The following TGS1 variants were observed in gnomAD, a reference collection of about 807,000 sequenced individuals.
TGS1 encodes trimethylguanosine synthase.
TGS1 carries 69 observed loss-of-function variants against 92.2 expected under a neutral mutation model. The ratio of observed to expected loss-of-function variants is 0.75; its 90% CI spans 0.62 to 0.91. The LOEUF (loss-of-function observed/expected upper bound fraction) is 0.91, where lower values mean the gene tolerates loss of function less well. Among genes scored for constraint, TGS1 ranks in the 40% least tolerant of loss-of-function variants. The probability of loss-of-function intolerance (pLI) is 0.00; values close to 1 mark genes in which losing one functional copy is unlikely to be tolerated. For synonymous variants in TGS1, 345 were observed against 338.1 expected (o/e 1.02, Z -0.22); for missense variants, 1,062 against 1,001.2 (o/e 1.06, Z -0.82).
At chr8:55,802,634 T>A (rs1422937976) in intron 9 of TGS1, 28 bp downstream of exon 9, 1 of 1,573,896 alleles carries the variant, frequency 6.4e-7, no homozygotes, top group Admixed American at 2.0e-5. Context: ...TTTTTAGCTT[T>A]ATTTTGAAAC....
chr8:55,813,314 A>G (rs1448081674), intron 12 of TGS1, among the ~76,000 whole-genome samples, 196 bp downstream of exon 12: 1 of 152,236 alleles, frequency 6.6e-6, no homozygotes, highest in East Asian at 1.9e-4. Flanking sequence ...AGCTCCTGGC[A>G]TACATAGACA....
Position 55,806,213 on chromosome 8 carries a change from G to A in TGS1, c.2143+1177G>A, listed in dbSNP as rs550768236. Among the ~76,000 whole-genome samples the A allele has an allele frequency of 2.2e-4, 33 of 149,852 alleles. No homozygotes were observed. The South Asian group carries it at 3.8e-3, about 17-fold the overall frequency. Reference sequence around the variant, plus strand: ...TCTCCTAAAAATACAAAAATTAGCCGGGCATGGTAGCGTGTGCCTGTAGTC... The same window carrying A: ...TCTCCTAAAAATACAAAAATTAGCCAGGCATGGTAGCGTGTGCCTGTAGTC... On this transcript the variant is annotated intron_variant, in intron 10 of 12. Coordinates refer to ENST00000260129, the MANE Select transcript of TGS1 (RefSeq NM_024831.8).
At chr8:55,794,796 C>T (rs562067483) in intron 6 of TGS1, among the ~76,000 whole-genome samples, 4 of 152,256 alleles carry the variant, frequency 2.6e-5, no homozygotes, top group African/African-American at 4.8e-5. Context: ...AGACAGCTTA[C>T]ACCAGTAATC....
At chr8:55,779,528 G>A (rs1276228280) in intron 1 of TGS1, among the ~76,000 whole-genome samples, 2 of 152,160 alleles carry the variant, frequency 1.3e-5, no homozygotes, top group Admixed American at 6.6e-5. Context: ...AAAAATACCT[G>A]GCTCTTTGTA....
At chr8:55,778,513 T>A (rs145024392) in intron 1 of TGS1, among the ~76,000 whole-genome samples, 1 of 152,336 alleles carries the variant, frequency 6.6e-6, no homozygotes, top group East Asian at 1.9e-4. Flanking sequence ...GAGCCTATAT[T>A]TCCCTCTGAT....
chr8:55,806,458 A>G (rs1812376742), intron 10 of TGS1, among the ~76,000 whole-genome samples: 1 of 151,688 alleles, frequency 6.6e-6, no homozygotes, highest in African/African-American at 2.4e-5. Flanking sequence ...CTTAGTAACA[A>G]TTTTTTCTCT....
In TGS1 at chr8:55,792,773, C is replaced by A; in HGVS notation, c.1356C>A (p.Gly452=). ...GTTCCCTTCTAGGATTCAAGTATGG[C>A]TCAGGACAAAAGTAATTATTCATAA... ...DSGSLLGFKY[G]SGQKYGGIPN... The change falls in exon 6 of 13, where the codon GGC becomes GGA. Residue 452 remains glycine (G), a synonymous_variant. Coordinates refer to ENST00000260129, the MANE Select transcript of TGS1 (RefSeq NM_024831.8). 1 of 1,612,316 alleles carries A rather than the reference C, an allele frequency of 6.2e-7. No homozygotes were observed. Among genetic ancestry groups the A allele is most frequent in the Non-Finnish European group, 8.5e-7 (1 of 1,178,428 alleles).
intron 9 of TGS1, 77 bp downstream of exon 9, chr8:55,802,683 G>T (rs1812253012): frequency 2.3e-5 from 32 of 1,397,450 alleles, no homozygotes; most frequent in Non-Finnish European, 2.7e-5. Flanking sequence ...GAATAATACA[G>T]GGAATGTTCA....
intron 1 of TGS1, among the ~76,000 whole-genome samples, chr8:55,779,451 A>C (rs992430450): frequency 3.3e-5 from 5 of 152,200 alleles, no homozygotes; most frequent in African/African-American, 1.2e-4. Flanking sequence ...CTGACCTGTT[A>C]AGCTGGGCCC....
In TGS1 at chr8:55,790,297, G is replaced by C. The variant is rs1205392774; in HGVS notation, c.1278G>C (p.Arg426Ser). 6.2e-7 allele frequency: 1 copy of C among 1,609,752 alleles called. No homozygotes were observed. The highest frequency in any genetic ancestry group is 8.5e-7 in the Non-Finnish European group (1 of 1,176,270). Residue 426 changes from arginine to serine, a missense_variant and splice_region_variant, in exon 5 of 13, where the codon AGG (arginine) becomes AGC (serine). Transcript: ENST00000260129. ...AGCATAAGCCAAGCAAACTGAAGAG[G>C]AGGTAAGTTACATGAGACCCCTCTC... ...PPEHKPSKLK[R>S]SHELDIDENP...
Position 55,815,603 on chromosome 8 carries a change from C to A in TGS1, c.2439+2485C>A, listed in dbSNP as rs763346383. ...TTCTCATATGAAGGACAGTTAATTT[C>A]CCATCCAGGGAGATTGTACTCTTAG... On this transcript the variant is annotated intron_variant, in intron 12 of 12. Coordinates refer to ENST00000260129, the MANE Select transcript of TGS1 (RefSeq NM_024831.8). Among the ~76,000 whole-genome samples the A allele has an allele frequency of 2.6e-4, 39 of 152,250 alleles. 1 individual carries two copies. Among genetic ancestry groups the A allele is most frequent in the Middle Eastern group, 3.4e-3 (1 of 294 alleles).
At chr8:55,805,756 C>T (rs1197547952) in intron 10 of TGS1, among the ~76,000 whole-genome samples, 1 of 151,760 alleles carries the variant, frequency 6.6e-6, no homozygotes, top group African/African-American at 2.4e-5. Flanking sequence ...TGGTGGCATG[C>T]ATCTGTAATC....
rs906088152 is a variant in TGS1, at chr8:55,797,264, G to A, written c.1542+1112G>A. 5.9e-5 allele frequency among the ~76,000 whole-genome samples: 9 copies of A among 152,072 alleles called. No individual in the cohort carries two copies. In the South Asian group the frequency reaches 1.0e-3, roughly 17 times the overall value. On this transcript the variant is annotated intron_variant, in intron 7 of 12. Coordinates refer to ENST00000260129, the MANE Select transcript of TGS1 (RefSeq NM_024831.8). Reference sequence around the variant, plus strand: ...AGAGAAATGAGTGCCCAGCAAAGGGGGAAGCACCTTATAAAACCATCAGAT... The same window carrying A: ...AGAGAAATGAGTGCCCAGCAAAGGGAGAAGCACCTTATAAAACCATCAGAT...
At chr8:55,774,349 C>A (rs1279039152) in intron 1 of TGS1, among the ~76,000 whole-genome samples, 1 of 152,134 alleles carries the variant, frequency 6.6e-6, no homozygotes, top group African/African-American at 2.4e-5. Context: ...ACCTTTTTTT[C>A]ATCTCTATAA....
chr8:55,782,799 T>C lies in TGS1; in HGVS notation c.153T>C (p.Ser51=), dbSNP rs1811603157. The C allele has an allele frequency of 6.2e-7, 1 of 1,608,830 alleles. No individual in the cohort carries two copies. Among genetic ancestry groups the C allele is most frequent in the South Asian group, 1.1e-5 (1 of 89,960 alleles). The change falls in exon 2 of 13, where the codon AGT becomes AGC. Residue 51 remains serine (S), a synonymous_variant. Coordinates refer to ENST00000260129, the MANE Select transcript of TGS1 (RefSeq NM_024831.8). ...TAAAAGGCTATTACATCAGAGACAG[T>C]GGCAACAATTCAGGTAATATAGTAT... ...LGLKGYYIRD[S]GNNSGDQATE...
At chr8:55,805,516 T>G (rs889401023) in intron 10 of TGS1, among the ~76,000 whole-genome samples, 1 of 152,126 alleles carries the variant, frequency 6.6e-6, no homozygotes, top group African/African-American at 2.4e-5. Flanking sequence ...TGCCCATAAT[T>G]CTAGCAATTT....
chr8:55,781,899 A>C (rs1811574180), intron 1 of TGS1, among the ~76,000 whole-genome samples: 1 of 152,208 alleles, frequency 6.6e-6, no homozygotes, highest in Non-Finnish European at 1.5e-5. Flanking sequence ...AAGATATTAA[A>C]AGCAGAGTCT....
chr8:55,788,614 T>TA (rs1254844017), intron 4 of TGS1, among the ~76,000 whole-genome samples: 6 of 151,800 alleles, frequency 4.0e-5, no homozygotes, highest in African/African-American at 1.5e-4. Context: ...TGCCACCACA[T>TA]ACAGTTAATT....
chr8:55,802,514 C>CTGAAATAGCTGCTGTTCCTGA lies in TGS1; in HGVS notation c.1908_1928dup (p.Pro642_Glu643insAspGluIleAlaAlaValPro). On this transcript the variant is annotated inframe_insertion, in exon 9 of 13. Transcript: ENST00000260129. ...AACAAAAAGGTGAATGGTCTGCCTC[C>CTGAAATAGCTGCTGTTCCTGA]TGAAATAGCTGCTGTTCCTGAGCTG... is the stretch of plus-strand genomic sequence containing the variant. The CTGAAATAGCTGCTGTTCCTGA allele has an allele frequency of 6.2e-7, 1 of 1,614,076 alleles. No individual in the cohort carries two copies. Among genetic ancestry groups the CTGAAATAGCTGCTGTTCCTGA allele is most frequent in the Non-Finnish European group, 8.5e-7 (1 of 1,179,976 alleles).
Sources: gnomAD v4.1 joint callset for allele counts (sites outside exome capture counted in the v4.1 genomes callset) on GRCh38, gnomAD v4.1.1 for gene constraint, MANE v1.5 for transcripts, NCBI Gene and HGNC (gene_info 2026-07-23, HGNC 2026-07-21) for gene names.